The following LYPD6B variants were observed in gnomAD, a reference collection of about 807,000 sequenced individuals.
LYPD6B encodes the protein ly6/PLAUR domain-containing protein 6B.
In LYPD6B, 17 loss-of-function variants were observed where a neutral mutation model predicts 22.8. The ratio of observed to expected loss-of-function variants is 0.75; its 90% confidence interval spans 0.51 to 1.12. LYPD6B has a LOEUF of 1.12. Among genes scored for constraint, LYPD6B ranks in the 50% most tolerant of loss-of-function variants. The pLI is 0.00. For synonymous variants in LYPD6B, 106 were observed against 91.6 expected, an observed-to-expected ratio of 1.16 and a Z score of -0.90; for missense variants, 221 against 258.3, an observed-to-expected ratio of 0.86 and a Z score of 0.99.
intron 1 of LYPD6B, among the ~76,000 whole-genome samples, chr2:149,087,727 T>C (rs1685464689): frequency 1.3e-5 from 2 of 152,198 alleles, no homozygotes; most frequent in South Asian, 2.1e-4. Flanking sequence ...GGAAATTCTA[T>C]AGCCTCTCAG....
At chr2:149,181,779 G>C (rs1691741063) in intron 3 of LYPD6B, among the ~76,000 whole-genome samples, 1 of 152,094 alleles carries the variant, frequency 6.6e-6, no homozygotes, top group African/African-American at 2.4e-5. Context: ...CTCTAAACCT[G>C]TGGTCATGCT....
At chr2:149,051,041 G>A (rs901106377) in intron 1 of LYPD6B, among the ~76,000 whole-genome samples, 3 of 151,272 alleles carry the variant, frequency 2.0e-5, no homozygotes, top group African/African-American at 7.3e-5. Context: ...AAACATATAT[G>A]TATATATTTA....
chr2:149,057,247 T>C (rs995348788), intron 1 of LYPD6B, among the ~76,000 whole-genome samples: 8 of 152,124 alleles, frequency 5.3e-5, no homozygotes, highest in African/African-American at 1.9e-4. Flanking sequence ...GGTTACTTTT[T>C]ATTATTCTAT....
rs551504956 is a variant in LYPD6B at position 149,117,611 on chromosome 2, T to C, written c.-66-13272T>C. ...GTGTGAAGTGGTTATGCTTAATATA[T>C]GTACCTGGTCTGTATATTAAGGCCA... On this transcript the variant is annotated intron_variant, in intron 1 of 6. Transcript: ENST00000409642. 2.6e-5 allele frequency among the ~76,000 whole-genome samples: 4 copies of C among 152,318 alleles called. No homozygotes were observed. The South Asian group carries it at 6.2e-4, about 24-fold the overall frequency.
chr2:149,134,110 G>C (rs1384659754), intron 2 of LYPD6B, among the ~76,000 whole-genome samples: 1 of 152,134 alleles, frequency 6.6e-6, no homozygotes, highest in East Asian at 1.9e-4. Context: ...TTCTGAGAAG[G>C]GGACGTACAG....
At position 149,213,060 on chromosome 2, in the gene LYPD6B, T is replaced by C; in HGVS notation, c.397T>C (p.Cys133Arg). The change falls in exon 6 of 7, where the codon TGT (cysteine) becomes CGT (arginine). Residue 133 changes from cysteine (C) to arginine (R), a missense_variant. Physicochemically the swap from Cys to Arg is radical, Grantham distance 180 (BLOSUM62 -3). Transcript: ENST00000409642. ...HGRSTSITKK[C>R]ASRSECHFVG... ...AAGAAGCACATCCATCACCAAAAAG[T>C]GTGCCTCCAGAAGTGAATGTCATTT... The C allele has an allele frequency of 6.2e-7, 1 of 1,613,954 alleles. No individual in the cohort carries two copies. Among genetic ancestry groups the C allele is most frequent in the Non-Finnish European group, 8.5e-7 (1 of 1,179,860 alleles).
chr2:149,150,961 C>A (rs1689331858), intron 2 of LYPD6B, among the ~76,000 whole-genome samples: 1 of 152,114 alleles, frequency 6.6e-6, no homozygotes, highest in African/African-American at 2.4e-5. Context: ...ACCCTATTCT[C>A]ATTATTCTTT....
At chr2:149,068,260 A>G (rs1425999000) in intron 1 of LYPD6B, among the ~76,000 whole-genome samples, 4 of 152,124 alleles carry the variant, frequency 2.6e-5, no homozygotes, top group Non-Finnish European at 5.9e-5. Flanking sequence ...AATAATGCAG[A>G]ATGTATTATG....
At chr2:149,113,634 T>C (rs1686866001) in intron 1 of LYPD6B, among the ~76,000 whole-genome samples, 1 of 152,182 alleles carries the variant, frequency 6.6e-6, no homozygotes, top group Admixed American at 6.5e-5. Context: ...GCTGTTCCAT[T>C]TGAGTCTCAC....
intron 2 of LYPD6B, chr2:149,160,436 C>T (rs886338284): frequency 2.7e-5 from 13 of 478,694 alleles, no homozygotes; most frequent in Admixed American, 4.6e-5. Context: ...GAGAGTTCTG[C>T]CAGCTCTTTG....
chr2:149,212,971 T>C, intron 5 of LYPD6B, 21 bp from the exon 6 acceptor site: 1 of 1,608,226 alleles, frequency 6.2e-7, no homozygotes, highest in Non-Finnish European at 8.5e-7. Flanking sequence ...TTGGTTTTGT[T>C]TTTTGTTTCC....
At chr2:149,166,639 C>T (rs918320772) in intron 3 of LYPD6B, among the ~76,000 whole-genome samples, 1 of 152,184 alleles carries the variant, frequency 6.6e-6, no homozygotes, top group Non-Finnish European at 1.5e-5. Context: ...GACTCTACAA[C>T]TGGCCTCCTT....
intron 3 of LYPD6B, among the ~76,000 whole-genome samples, chr2:149,176,339 T>C (rs538591856): frequency 4.6e-5 from 7 of 151,934 alleles, no homozygotes; most frequent in African/African-American, 1.7e-4. Context: ...AAAGATGGAG[T>C]TTTATAAACA....
intron 2 of LYPD6B, among the ~76,000 whole-genome samples, chr2:149,133,412 C>G (rs1317449149): frequency 6.6e-6 from 1 of 152,186 alleles, no homozygotes; most frequent in East Asian, 1.9e-4. Flanking sequence ...TCCTCCCTGT[C>G]CTTTGACTTT....
intron 1 of LYPD6B, among the ~76,000 whole-genome samples, chr2:149,114,004 A>C (rs377073766): frequency 6.6e-6 from 1 of 152,162 alleles, no homozygotes; most frequent in East Asian, 1.9e-4. Flanking sequence ...ATTTATCTTG[A>C]CATTGGACAT....
chr2:149,040,683 C>A (rs548225878), intron 1 of LYPD6B, among the ~76,000 whole-genome samples: 1 of 152,250 alleles, frequency 6.6e-6, no homozygotes, highest in East Asian at 1.9e-4. Context: ...GGCGCAATTC[C>A]CAATGAGAAG....
intron 1 of LYPD6B, among the ~76,000 whole-genome samples, chr2:149,053,991 A>G (rs1683678252): frequency 6.6e-6 from 1 of 152,198 alleles, no homozygotes; most frequent in African/African-American, 2.4e-5. Flanking sequence ...CATTTTGTTT[A>G]TCCATTTATC....
intron 3 of LYPD6B, among the ~76,000 whole-genome samples, chr2:149,185,024 A>T (rs1691996129): frequency 1.3e-5 from 2 of 152,236 alleles, no homozygotes; most frequent in Non-Finnish European, 2.9e-5. Flanking sequence ...CCTCTGCTCC[A>T]TGTCAGGCTC....
chr2:149,159,582 A>ATG (rs995155277), intron 2 of LYPD6B, among the ~76,000 whole-genome samples: 4 of 122,020 alleles, frequency 3.3e-5, no homozygotes, highest in Middle Eastern at 4.1e-3. Context: ...GAGAGAGCAT[A>ATG]TGTGTGCGTG....
Sources: gnomAD v4.1 joint callset for allele counts (sites outside exome capture counted in the v4.1 genomes callset) on GRCh38, gnomAD v4.1.1 for gene constraint, MANE v1.5 for transcripts, NCBI Gene and HGNC (gene_info 2026-07-23, HGNC 2026-07-21) for gene names.